Variants in ERC2 observed in about 807,000 individuals in gnomAD.
ERC2 encodes the protein ERC protein 2.
A neutral mutation model predicts 114.8 loss-of-function variants in ERC2; 42 were observed. That is an observed-to-expected ratio of 0.37 (90% CI 0.29 to 0.47). The LOEUF (loss-of-function observed/expected upper bound fraction) is 0.47, where lower values mean the gene tolerates loss of function less well. Among genes scored for constraint, ERC2 ranks in the 20% least tolerant of loss-of-function variants. The probability of loss-of-function intolerance (pLI) is 0.99; values close to 1 mark genes in which losing one functional copy is unlikely to be tolerated. For synonymous variants in ERC2, 454 were observed against 425.5 expected (o/e 1.07, Z -0.82); for missense variants, 939 against 1,150.7 (o/e 0.82, Z 2.66).
chr3:56,196,497 T>C (rs1410279591), intron 3 of ERC2, among the ~76,000 whole-genome samples: 7 of 150,112 alleles, frequency 4.7e-5, no homozygotes, highest in African/African-American at 1.2e-4. Context: ...TGCCTTCTTT[T>C]TTTTTTTTTT....
chr3:56,297,598 A>G (rs1294607869), intron 2 of ERC2, among the ~76,000 whole-genome samples: 1 of 152,234 alleles, frequency 6.6e-6, no homozygotes, highest in Non-Finnish European at 1.5e-5. Context: ...GCCTGAAGGC[A>G]TTTCTATCCC....
chr3:55,957,217 C>T (rs1354085849), intron 12 of ERC2, among the ~76,000 whole-genome samples: 2 of 152,124 alleles, frequency 1.3e-5, no homozygotes, highest in African/African-American at 4.8e-5. Flanking sequence ...GAAGATGTTC[C>T]TATTCCTTGT....
chr3:55,699,287 G>A (rs749361369), intron 16 of ERC2, 91 bp downstream of exon 16: 64 of 1,490,988 alleles, frequency 4.3e-5, no homozygotes, highest in Non-Finnish European at 6.0e-5. Context: ...ATCACTTTAT[G>A]ATGTTTATTA....
intron 17 of ERC2, among the ~76,000 whole-genome samples, chr3:55,607,614 GTT>G (rs367596448): frequency 0.12 from 15,883 of 132,250 alleles, 1,000 homozygotes; most frequent in South Asian, 0.23. Context: ...AAAATAGTGT[GTT>G]TTTTTTTTTT....
intron 12 of ERC2, among the ~76,000 whole-genome samples, chr3:55,956,805 A>G (rs191124745): frequency 1.9e-4 from 29 of 152,280 alleles, no homozygotes; most frequent in Non-Finnish European, 8.8e-5. Context: ...ATGCAGCAGG[A>G]TGCCCAAGCC....
At chr3:56,036,444 T>C (rs182344830) in intron 7 of ERC2, among the ~76,000 whole-genome samples, 23 of 152,264 alleles carry the variant, frequency 1.5e-4, no homozygotes, top group African/African-American at 5.5e-4. Flanking sequence ...TGTTTGCAGA[T>C]GACATGATCT....
chr3:56,212,499 A>G (rs1236689659), intron 3 of ERC2, among the ~76,000 whole-genome samples: 1 of 152,212 alleles, frequency 6.6e-6, no homozygotes, highest in African/African-American at 2.4e-5. Context: ...CTTTTACACT[A>G]CTGGTGGGAA....
intron 7 of ERC2, among the ~76,000 whole-genome samples, chr3:56,065,255 G>A (rs924548544): frequency 5.9e-5 from 9 of 151,580 alleles, no homozygotes; most frequent in East Asian, 1.9e-4. Context: ...ACAGGGTCTC[G>A]CTCTGTTGCC....
At chr3:56,385,399 C>A (rs576192412) in intron 2 of ERC2, among the ~76,000 whole-genome samples, 1 of 152,250 alleles carries the variant, frequency 6.6e-6, no homozygotes, top group East Asian at 1.9e-4. Context: ...TCTCCTGACA[C>A]CACCACATTG....
intron 2 of ERC2, among the ~76,000 whole-genome samples, chr3:56,374,960 G>T (rs879305010): frequency 6.6e-6 from 1 of 152,114 alleles, no homozygotes; most frequent in Non-Finnish European, 1.5e-5. Flanking sequence ...AAGCATGAGG[G>T]ACTAAAATCT....
At chr3:55,744,626 C>A (rs959711366) in intron 14 of ERC2, among the ~76,000 whole-genome samples, 98 of 152,166 alleles carry the variant, frequency 6.4e-4, no homozygotes, top group African/African-American at 2.3e-3. Context: ...ACCAAGTGGT[C>A]AATGGGAAAC....
intron 2 of ERC2, among the ~76,000 whole-genome samples, chr3:56,341,163 T>G (rs1478411069): frequency 6.6e-6 from 1 of 152,196 alleles, no homozygotes; most frequent in Non-Finnish European, 1.5e-5. Flanking sequence ...CAGGTCATGG[T>G]TATTTTAAAG....
At chr3:56,244,133 G>A (rs2051512384) in intron 3 of ERC2, among the ~76,000 whole-genome samples, 1 of 152,116 alleles carries the variant, frequency 6.6e-6, no homozygotes, top group Non-Finnish European at 1.5e-5. Context: ...ATACAATGGT[G>A]TTCCCATAAA....
At chr3:56,118,782 A>G (rs1235664235) in intron 6 of ERC2, among the ~76,000 whole-genome samples, 1 of 151,226 alleles carries the variant, frequency 6.6e-6, no homozygotes, top group Non-Finnish European at 1.5e-5. Flanking sequence ...GACTACAGGC[A>G]CCCGCCACCA....
intron 17 of ERC2, among the ~76,000 whole-genome samples, chr3:55,545,771 G>A (rs1275572361): frequency 6.6e-6 from 1 of 152,172 alleles, no homozygotes; most frequent in Non-Finnish European, 1.5e-5. Flanking sequence ...GTGCCAGGGG[G>A]TACCCACTGG....
intron 3 of ERC2, among the ~76,000 whole-genome samples, chr3:56,281,294 G>A (rs988346750): frequency 6.7e-6 from 1 of 149,452 alleles, no homozygotes; most frequent in Admixed American, 6.7e-5. Flanking sequence ...AAAATTAGCC[G>A]GGCGTAGTGG....
intron 11 of ERC2, among the ~76,000 whole-genome samples, chr3:55,991,434 G>A (rs9873130): frequency 0.038 from 5,789 of 152,164 alleles, 238 homozygotes; most frequent in African/African-American, 0.1. Flanking sequence ...AATACAATAC[G>A]GATATGATTT....
chr3:56,222,737 TAAAC>T (rs1231776793), intron 3 of ERC2, among the ~76,000 whole-genome samples: 1 of 152,234 alleles, frequency 6.6e-6, no homozygotes, highest in Non-Finnish European at 1.5e-5. Context: ...GAATGAATGA[TAAAC>T]AAATGCTATA....
At chr3:55,611,555 A>C (rs1042705810) in intron 17 of ERC2, among the ~76,000 whole-genome samples, 1 of 152,126 alleles carries the variant, frequency 6.6e-6, no homozygotes, top group Non-Finnish European at 1.5e-5. Context: ...ATGTCTGGAG[A>C]GATGGAGAGG....
Sources: allele counts gnomAD v4.1 joint callset (sites outside exome capture counted in the v4.1 genomes callset), GRCh38; gene constraint gnomAD v4.1.1; transcripts MANE v1.5; gene names NCBI Gene and HGNC (gene_info 2026-07-23, HGNC 2026-07-21).